The following POLK variants were observed in gnomAD, a reference collection of about 807,000 sequenced individuals.
POLK encodes DNA polymerase kappa.
POLK carries 76 observed loss-of-function variants against 94.0 expected under a neutral mutation model. The ratio of observed to expected loss-of-function variants is 0.81; its 90% CI spans 0.67 to 0.98. The LOEUF is 0.98. Among genes scored for constraint, POLK ranks in the 50% least tolerant of loss-of-function variants. The probability of loss-of-function intolerance (pLI) is 0.00; values close to 1 mark genes in which losing one functional copy is unlikely to be tolerated. For synonymous variants in POLK, 349 were observed against 325.4 expected, an observed-to-expected ratio of 1.07 and a Z score of -0.78; for missense variants, 954 against 1,010.1, an observed-to-expected ratio of 0.94 and a Z score of 0.75.
chr5:75,511,296 G>A (rs759469784), upstream of POLK: 19 of 1,563,492 alleles, frequency 1.2e-5, no homozygotes, highest in East Asian at 3.8e-4. Flanking sequence ...AGGGTCGGGG[G>A]ATGGCGAAGC....
At chr5:75,574,360 T>C (rs956221326) in intron 5 of POLK, among the ~76,000 whole-genome samples, 8 of 152,192 alleles carry the variant, frequency 5.3e-5, no homozygotes, top group Non-Finnish European at 1.2e-4. Flanking sequence ...GACTGATAAT[T>C]GAAAAGGGAG....
chr5:75,608,486 C>T, the POLK span, among the ~76,000 whole-genome samples: 2 of 152,122 alleles, frequency 1.3e-5, no homozygotes, highest in African/African-American at 4.8e-5. Context: ...TGAGACACCA[C>T]GCCTGGCCCA....
At chr5:75,555,673 G>A (rs550580787) in intron 3 of POLK, among the ~76,000 whole-genome samples, 7 of 151,750 alleles carry the variant, frequency 4.6e-5, no homozygotes, top group Admixed American at 3.9e-4. Context: ...TCGGCCTCCC[G>A]AGTAGCTGGG....
intron 12 of POLK, among the ~76,000 whole-genome samples, chr5:75,595,005 C>T (rs570471512): frequency 6.6e-6 from 1 of 152,128 alleles, no homozygotes; most frequent in African/African-American, 2.4e-5. Context: ...AATCTCAACA[C>T]TTTGGGAGGC....
intron 3 of POLK, among the ~76,000 whole-genome samples, chr5:75,555,447 G>A (rs1440218924): frequency 2.0e-5 from 3 of 151,790 alleles, no homozygotes; most frequent in African/African-American, 7.3e-5. Flanking sequence ...GCAGTGTAAT[G>A]TAAATGTATG....
At chr5:75,556,230 A>G (rs1022242310) in intron 3 of POLK, among the ~76,000 whole-genome samples, 1 of 152,002 alleles carries the variant, frequency 6.6e-6, no homozygotes, top group Non-Finnish European at 1.5e-5. Context: ...GTGGTATCTC[A>G]TTGTTGTTTT....
chr5:75,607,023 C>T, the POLK span, among the ~76,000 whole-genome samples: 2 of 152,062 alleles, frequency 1.3e-5, no homozygotes, highest in African/African-American at 4.8e-5. Flanking sequence ...TCAATTCAGG[C>T]AGACAACTTA....
At chr5:75,517,023 A>G (rs1001853991) in intron 1 of POLK, among the ~76,000 whole-genome samples, 18 of 152,188 alleles carry the variant, frequency 1.2e-4, no homozygotes, top group Non-Finnish European at 2.1e-4. Flanking sequence ...TCTTGCCAGT[A>G]TTATGGTCAT....
At position 75,513,292 on chromosome 5, in the gene POLK, A is replaced by G. The variant is rs572292792; in HGVS notation, c.-14+1378A>G. Among the ~76,000 whole-genome samples the G allele has an allele frequency of 1.8e-3, 272 of 152,284 alleles. 4 individuals are homozygous for G. In the South Asian group the frequency reaches 0.023, roughly 13 times the overall value. ...ATTATTATATTATGCTCATACTGCC[A>G]TGTCTTATTCTGCAGCTTTGATCCT... On this transcript the variant is annotated intron_variant, in intron 1 of 14. Transcript: ENST00000241436.
chr5:75,520,273 T>G (rs1399619577), intron 1 of POLK, among the ~76,000 whole-genome samples: 1 of 152,246 alleles, frequency 6.6e-6, no homozygotes, highest in African/African-American at 2.4e-5. Flanking sequence ...GTAGCTACGA[T>G]TGTTTTTAAC....
chr5:75,568,942 AG>A (rs763370841), intron 3 of POLK, among the ~76,000 whole-genome samples: 3 of 152,210 alleles, frequency 2.0e-5, no homozygotes, highest in Non-Finnish European at 2.9e-5. Context: ...ATTTGATAAA[AG>A]CAGTTGGATT....
chr5:75,558,596 T>C (rs2112694719), intron 3 of POLK, among the ~76,000 whole-genome samples: 1 of 152,284 alleles, frequency 6.6e-6, no homozygotes, highest in South Asian at 2.1e-4. Context: ...TACCATACAG[T>C]TTTAGTTATT....
At chr5:75,609,693 G>C in the POLK span, 9 of 151,942 alleles carry the variant, frequency 5.9e-5, no homozygotes, top group Non-Finnish European at 8.8e-5. Context: ...CAACTTACCT[G>C]CTATTGTTTT....
At chr5:75,591,789 T>C (rs767676) in intron 11 of POLK, among the ~76,000 whole-genome samples, 62,878 of 152,128 alleles carry the variant, frequency 0.41, 18,016 homozygotes, top group African/African-American at 0.82. Context: ...GTCGCCCAAT[T>C]TGGGTTTGTC....
exon 15 of POLK, chr5:75,598,557 A>G (rs1395808389): frequency 6.6e-6 from 1 of 152,582 alleles, no homozygotes; most frequent in African/African-American, 2.4e-5. Flanking sequence ...TTTGCCTAAA[A>G]TATAATTTTT....
chr5:75,534,135 G>A (rs1272599076), intron 1 of POLK, among the ~76,000 whole-genome samples: 2 of 152,032 alleles, frequency 1.3e-5, no homozygotes, highest in Non-Finnish European at 2.9e-5. Context: ...GCATGGTGGT[G>A]CATGCCTGTA....
chr5:75,554,697 C>A (rs1770512798), intron 3 of POLK, among the ~76,000 whole-genome samples: 1 of 152,058 alleles, frequency 6.6e-6, no homozygotes, highest in East Asian at 1.9e-4. Context: ...ATGTTGTTCC[C>A]TTGTATGTGT....
chr5:75,573,802 A>G, exon 5 of POLK: 1 of 1,613,284 alleles, frequency 6.2e-7, no homozygotes, highest in Non-Finnish European at 8.5e-7. Flanking sequence ...TTTATTGCTA[A>G]GAGGCTGTGC....
exon 14 of POLK, chr5:75,597,749 A>G (rs1773169345): frequency 4.7e-6 from 7 of 1,485,956 alleles, no homozygotes; most frequent in Non-Finnish European, 6.3e-6. Flanking sequence ...CTCTAAAGGT[A>G]GCTCAAGTGG....
Sources: gnomAD v4.1 joint callset for allele counts (sites outside exome capture counted in the v4.1 genomes callset) on GRCh38, gnomAD v4.1.1 for gene constraint, MANE v1.5 for transcripts, NCBI Gene and HGNC (gene_info 2026-07-23, HGNC 2026-07-21) for gene names.